ZFYVE9: variants seen among roughly 807,000 people sequenced by gnomAD.
ZFYVE9 encodes the protein zinc finger FYVE-type containing 9.
A neutral mutation model predicts 126.7 loss-of-function variants in ZFYVE9; 43 were observed. That is an observed-to-expected ratio of 0.34 (90% CI 0.27 to 0.44). The LOEUF is 0.44. Among genes scored for constraint, ZFYVE9 ranks in the 20% least tolerant of loss-of-function variants. The probability of loss-of-function intolerance (pLI) is 1.00; values close to 1 mark genes in which losing one functional copy is unlikely to be tolerated. For synonymous variants in ZFYVE9, 521 were observed against 597.4 expected (o/e 0.87, Z 1.87); for missense variants, 1,476 against 1,697.0 (o/e 0.87, Z 2.29).
chr1:52,344,651 T>A, intron 17 of ZFYVE9, 117 bp from the exon 18 acceptor site: 1 of 1,109,790 alleles, frequency 9.0e-7, no homozygotes, highest in South Asian at 1.6e-5. Flanking sequence ...TGGTGTCCTG[T>A]TCCTGTCATG....
intron 10 of ZFYVE9, among the ~76,000 whole-genome samples, chr1:52,292,166 T>C (rs946403413): frequency 6.6e-6 from 1 of 150,556 alleles, no homozygotes; most frequent in Non-Finnish European, 1.5e-5. Context: ...TTTGTAATTG[T>C]AGCTATTCAG....
chr1:52,264,869 C>G (rs2147798792), intron 5 of ZFYVE9, among the ~76,000 whole-genome samples: 1 of 152,238 alleles, frequency 6.6e-6, no homozygotes, highest in East Asian at 1.9e-4. Context: ...CAATTTTGAC[C>G]AAATATGAAT....
chr1:52,331,694 G>A (rs113152892), intron 13 of ZFYVE9, among the ~76,000 whole-genome samples: 6,955 of 150,318 alleles, frequency 0.046, 544 homozygotes, highest in African/African-American at 0.16. Context: ...GGAGGTTGCA[G>A]TGAGCCAAGA....
At chr1:52,265,040 A>C (rs1274273141) in intron 5 of ZFYVE9, among the ~76,000 whole-genome samples, 3 of 152,186 alleles carry the variant, frequency 2.0e-5, no homozygotes, top group Non-Finnish European at 4.4e-5. Context: ...ATTTGATGAG[A>C]TCTTCCAACT....
At chr1:52,244,732 T>C (rs1645367010) in intron 4 of ZFYVE9, among the ~76,000 whole-genome samples, 1 of 152,238 alleles carries the variant, frequency 6.6e-6, no homozygotes, top group Non-Finnish European at 1.5e-5. Flanking sequence ...CTTGGAGATA[T>C]GATGAAATTG....
chr1:52,261,901 A>G (rs1336078708), intron 4 of ZFYVE9, among the ~76,000 whole-genome samples: 1 of 152,206 alleles, frequency 6.6e-6, no homozygotes. Flanking sequence ...TTTAAATGAA[A>G]TATGTAATTT....
intron 13 of ZFYVE9, among the ~76,000 whole-genome samples, chr1:52,328,884 G>A (rs138453832): frequency 6.6e-6 from 1 of 152,136 alleles, no homozygotes; most frequent in Admixed American, 6.6e-5. Context: ...TGTAAGAGGA[G>A]TATTCAATTA....
intron 17 of ZFYVE9, among the ~76,000 whole-genome samples, chr1:52,341,019 G>A (rs546784130): frequency 1.3e-5 from 2 of 151,906 alleles, no homozygotes; most frequent in African/African-American, 4.8e-5. Flanking sequence ...TCTGGAGTTT[G>A]AGACCAGCCC....
chr1:52,300,545 C>T (rs55798496), intron 12 of ZFYVE9, among the ~76,000 whole-genome samples: 5 of 151,258 alleles, frequency 3.3e-5, no homozygotes, highest in South Asian at 2.1e-4. Flanking sequence ...GAGCCAAGAT[C>T]GTGCCACTGC....
At chr1:52,323,631 G>A (rs1020856553) in intron 13 of ZFYVE9, among the ~76,000 whole-genome samples, 21 of 152,048 alleles carry the variant, frequency 1.4e-4, no homozygotes, top group Non-Finnish European at 2.6e-4. Flanking sequence ...GTAGGCCAGA[G>A]GGCCAGGCAC....
At chr1:52,194,619 T>G (rs1326138014) in intron 1 of ZFYVE9, among the ~76,000 whole-genome samples, 3 of 151,586 alleles carry the variant, frequency 2.0e-5, no homozygotes, top group Middle Eastern at 3.4e-3. Context: ...AAAATTCTTG[T>G]ATATACCCAT....
intron 2 of ZFYVE9, among the ~76,000 whole-genome samples, chr1:52,219,583 G>A (rs528982510): frequency 1.3e-5 from 2 of 152,074 alleles, no homozygotes; most frequent in Admixed American, 6.5e-5. Flanking sequence ...TTGGGAATTC[G>A]AGGGGTGGAG....
At chr1:52,260,132 C>T (rs1645564840) in intron 4 of ZFYVE9, among the ~76,000 whole-genome samples, 1 of 151,576 alleles carries the variant, frequency 6.6e-6, no homozygotes, top group South Asian at 2.1e-4. Flanking sequence ...TCAAATTAAC[C>T]TACCAGCGTA....
chr1:52,297,789 C>T (rs1185539830), intron 12 of ZFYVE9, among the ~76,000 whole-genome samples: 2 of 151,698 alleles, frequency 1.3e-5, no homozygotes, highest in Admixed American at 1.3e-4. Context: ...GTGGCACGAT[C>T]TCGGCTCACT....
intron 13 of ZFYVE9, among the ~76,000 whole-genome samples, chr1:52,330,855 A>C (rs1557523355): frequency 6.6e-6 from 1 of 152,012 alleles, no homozygotes; most frequent in East Asian, 1.9e-4. Flanking sequence ...CTCTGACAGC[A>C]CTACAACTTT....
At chr1:52,315,228 A>C (rs540842357) in intron 13 of ZFYVE9, among the ~76,000 whole-genome samples, 192 of 152,300 alleles carry the variant, frequency 1.3e-3, no homozygotes, top group African/African-American at 4.2e-3. Flanking sequence ...CAGGAGTTCA[A>C]GGACAGCTAG....
intron 1 of ZFYVE9, among the ~76,000 whole-genome samples, chr1:52,203,539 A>G (rs1397991897): frequency 7.1e-6 from 1 of 140,570 alleles, no homozygotes; most frequent in South Asian, 2.3e-4. Flanking sequence ...GAATATAACT[A>G]TGTATAGGTT....
chr1:52,240,769 G>A (rs948948021), intron 4 of ZFYVE9, among the ~76,000 whole-genome samples: 2 of 152,214 alleles, frequency 1.3e-5, no homozygotes, highest in Admixed American at 1.3e-4. Flanking sequence ...TCTACTCTTG[G>A]CACCCTCTTA....
At chr1:52,240,711 A>G (rs189777384) in intron 4 of ZFYVE9, among the ~76,000 whole-genome samples, 11 of 152,294 alleles carry the variant, frequency 7.2e-5, no homozygotes, top group Admixed American at 5.9e-4. Context: ...TCTCAACCTG[A>G]CAACTTCCTA....
Sources: allele counts gnomAD v4.1 joint callset (sites outside exome capture counted in the v4.1 genomes callset), GRCh38; gene constraint gnomAD v4.1.1; transcripts MANE v1.5; gene names NCBI Gene and HGNC (gene_info 2026-07-23, HGNC 2026-07-21).